SCLT1: variants seen among roughly 807,000 people sequenced by gnomAD.
SCLT1 encodes the protein sodium channel-associated protein 1.
Under a neutral mutation model 112.8 loss-of-function variants are expected in SCLT1, and 78 were observed. The observed-to-expected ratio is 0.69, with a 90% CI of 0.58 to 0.83. The LOEUF (loss-of-function observed/expected upper bound fraction) is 0.83, where lower values mean the gene tolerates loss of function less well. Among genes scored for constraint, SCLT1 ranks in the 40% least tolerant of loss-of-function variants. The pLI, the probability that SCLT1 is intolerant of heterozygous loss-of-function variation, is 0.00. For missense variants in SCLT1, 747 were observed against 770.4 expected, an observed-to-expected ratio of 0.97 and a Z score of 0.36; for synonymous variants, 257 against 254.7, an observed-to-expected ratio of 1.01 and a Z score of -0.09.
chr4:129,044,010 G>A lies in SCLT1; in HGVS notation c.144C>T (p.Asn48=), dbSNP rs1005851840. The change falls in exon 3 of 21, where the codon AAC becomes AAT. Residue 48 remains asparagine (N), a synonymous_variant. Transcript: ENST00000281142. ...TACTTTACCTTTGGTCAAATACTAG[G>A]TTTTCAAATGTGTCGTCTCCTTCTC... ...CQGEGDDTFE[N]LVFDQSFLAP... is the part of the protein sequence containing the mutation. 1 of 1,544,032 alleles carries A rather than the reference G, an allele frequency of 6.5e-7. No homozygotes were observed. Among genetic ancestry groups the A allele is most frequent in the South Asian group, 1.1e-5 (1 of 87,136 alleles).
At chr4:128,967,484 A>G (rs1740308136) in intron 10 of SCLT1, among the ~76,000 whole-genome samples, 1 of 152,164 alleles carries the variant, frequency 6.6e-6, no homozygotes. Flanking sequence ...CAGTGGATAA[A>G]CATTCCCTTT....
chr4:129,035,707 C>T (rs1375229982), intron 5 of SCLT1, among the ~76,000 whole-genome samples: 1 of 151,970 alleles, frequency 6.6e-6, no homozygotes, highest in African/African-American at 2.4e-5. Context: ...TTTCCTTCCT[C>T]TGGAAAGCTA....
intron 9 of SCLT1, among the ~76,000 whole-genome samples, chr4:128,989,568 G>A (rs1028704328): frequency 7.9e-5 from 12 of 151,376 alleles, no homozygotes; most frequent in Admixed American, 4.0e-4. Context: ...TAAAGAACTG[G>A]AAAAGCAAGA....
At chr4:128,899,125 A>C (rs1175529637) in intron 18 of SCLT1, among the ~76,000 whole-genome samples, 1 of 152,214 alleles carries the variant, frequency 6.6e-6, no homozygotes, top group Non-Finnish European at 1.5e-5. Context: ...TTCCTTCTGA[A>C]ACTATCCCAA....
At chr4:128,966,805 C>T (rs1740237343) in intron 10 of SCLT1, among the ~76,000 whole-genome samples, 1 of 151,132 alleles carries the variant, frequency 6.6e-6, no homozygotes, top group South Asian at 2.1e-4. Flanking sequence ...TTTTCTTCAG[C>T]ATTTGAAATA....
chr4:129,017,941 T>G (rs1310475588), intron 5 of SCLT1, among the ~76,000 whole-genome samples: 2 of 152,250 alleles, frequency 1.3e-5, no homozygotes, highest in Non-Finnish European at 2.9e-5. Context: ...GTTTGCTACA[T>G]TGGTCACAAT....
intron 9 of SCLT1, among the ~76,000 whole-genome samples, chr4:128,975,452 T>C (rs896268709): frequency 2.0e-5 from 3 of 152,200 alleles, no homozygotes; most frequent in Admixed American, 6.5e-5. Context: ...GAAATTAAAA[T>C]GCTTTAATTA....
intron 18 of SCLT1, among the ~76,000 whole-genome samples, chr4:128,919,001 C>T (rs1735678674): frequency 6.6e-6 from 1 of 152,100 alleles, no homozygotes; most frequent in Non-Finnish European, 1.5e-5. Context: ...ATGCCACTGA[C>T]AGTATTAGGC....
At chr4:128,987,300 A>G (rs748000266) in intron 9 of SCLT1, among the ~76,000 whole-genome samples, 1 of 152,176 alleles carries the variant, frequency 6.6e-6, no homozygotes, top group Non-Finnish European at 1.5e-5. Flanking sequence ...ATGAGCATCC[A>G]CAAGCACGAA....
rs140909724 is a variant in SCLT1, at chr4:128,908,588, T to C, written c.1830-17451A>G. ...CATTCATTTATTCAATACAATCTAATTGAATAATTAGATTCCTTTCCCAAT... is the reference window on the plus strand; with the variant it reads ...CATTCATTTATTCAATACAATCTAACTGAATAATTAGATTCCTTTCCCAAT... On this transcript the variant is annotated intron_variant, in intron 18 of 20. Transcript: ENST00000281142. 3.3e-3 allele frequency among the ~76,000 whole-genome samples: 498 copies of C among 152,270 alleles called. 1 individual carries two copies. Among genetic ancestry groups the C allele is most frequent in the African/African-American group, 0.012 (480 of 41,544 alleles).
At chr4:128,948,627 G>A in intron 14 of SCLT1, 57 bp from the exon 15 acceptor site, 1 of 1,246,328 alleles carries the variant, frequency 8.0e-7, no homozygotes, top group Non-Finnish European at 1.2e-6. Flanking sequence ...TAAGAAAAGT[G>A]GGGAAAAATT....
intron 5 of SCLT1, among the ~76,000 whole-genome samples, chr4:129,031,000 A>G (rs1338775540): frequency 6.6e-6 from 1 of 152,076 alleles, no homozygotes; most frequent in Non-Finnish European, 1.5e-5. Context: ...CTGATACCAA[A>G]ACCAGACAGA....
intron 5 of SCLT1, among the ~76,000 whole-genome samples, chr4:129,009,002 T>C (rs1427416615): frequency 6.6e-6 from 1 of 152,262 alleles, no homozygotes; most frequent in African/African-American, 2.4e-5. Context: ...TCTTGTTCTT[T>C]TTTATGGATG....
intron 2 of SCLT1, among the ~76,000 whole-genome samples, chr4:129,064,460 A>G (rs1414696360): frequency 6.6e-6 from 1 of 152,162 alleles, no homozygotes; most frequent in Non-Finnish European, 1.5e-5. Context: ...TCACATCTCC[A>G]GTTTAATTCT....
At chr4:129,073,993 A>C (rs1485971336) in intron 2 of SCLT1, among the ~76,000 whole-genome samples, 2 of 152,134 alleles carry the variant, frequency 1.3e-5, no homozygotes. Context: ...TTAGTTTGAA[A>C]TTTCATCTAC....
chr4:128,937,733 T>C (rs1737334969), intron 17 of SCLT1, among the ~76,000 whole-genome samples: 1 of 152,220 alleles, frequency 6.6e-6, no homozygotes, highest in African/African-American at 2.4e-5. Context: ...TACGAAAATG[T>C]CTTCAGTACA....
intron 2 of SCLT1, among the ~76,000 whole-genome samples, chr4:129,070,648 T>C (rs1315864429): frequency 6.6e-6 from 1 of 152,186 alleles, no homozygotes; most frequent in East Asian, 1.9e-4. Context: ...TTTTCTCCCT[T>C]CTTTTCTTGG....
chr4:129,025,803 C>G (rs1214594870), intron 5 of SCLT1, among the ~76,000 whole-genome samples: 1 of 151,474 alleles, frequency 6.6e-6, no homozygotes, highest in Non-Finnish European at 1.5e-5. Context: ...TTCAGGAAAC[C>G]CATCTCACGT....
rs1047042948 is a variant in SCLT1 at position 129,072,694 on chromosome 4, C to A, written c.102+9612G>T. Among the ~76,000 whole-genome samples the A allele has an allele frequency of 3.3e-5, 5 of 152,104 alleles. No individual in the cohort carries two copies. In the East Asian group the frequency reaches 7.7e-4, roughly 24 times the overall value. On this transcript the variant is annotated intron_variant, in intron 2 of 20. Transcript: ENST00000281142. ...AAGCTATCTATTTCCTTGAATATTT[C>A]TCCCTTCACTTCTTGTCTCATTTTT...
Sources: gnomAD v4.1 joint callset for allele counts (sites outside exome capture counted in the v4.1 genomes callset) on GRCh38, gnomAD v4.1.1 for gene constraint, MANE v1.5 for transcripts, NCBI Gene and HGNC (gene_info 2026-07-23, HGNC 2026-07-21) for gene names.